Variants in PTPRT observed in about 807,000 individuals in gnomAD.
The protein encoded by PTPRT is protein tyrosine phosphatase receptor type T, also known as receptor-type tyrosine-protein phosphatase T.
Under a neutral mutation model 176.8 loss-of-function variants are expected in PTPRT, and 56 were observed. The observed-to-expected ratio is 0.32, with a 90% CI of 0.26 to 0.40. The LOEUF is 0.40. Among genes scored for constraint, PTPRT ranks in the 10% least tolerant of loss-of-function variants. PTPRT has a pLI of 1.00. For missense variants in PTPRT, 1,540 were observed against 1,908.2 expected (o/e 0.81, Z 3.60); for synonymous variants, 783 against 739.0 (o/e 1.06, Z -0.96).
At chr20:42,767,977 TACACACACACACACACAC>T (rs35599788) in intron 5 of PTPRT, among the ~76,000 whole-genome samples, 29 of 125,252 alleles carry the variant, frequency 2.3e-4, no homozygotes, top group Admixed American at 5.1e-4. Context: ...TATAAAATTA[TACACACACACACACACAC>T]ACACACACAC....
At chr20:42,691,191 A>G (rs2075787808) in intron 6 of PTPRT, among the ~76,000 whole-genome samples, 2 of 152,224 alleles carry the variant, frequency 1.3e-5, no homozygotes, top group South Asian at 4.1e-4. Flanking sequence ...AAAGCACTGG[A>G]GGAAAAACAC....
rs1405103356 is a variant in PTPRT, at chr20:42,479,206, C to T, written c.1154-6644G>A. Among the ~76,000 whole-genome samples the T allele has an allele frequency of 3.3e-5, 5 of 152,182 alleles. No individual in the cohort carries two copies. In the East Asian group the frequency reaches 5.8e-4, roughly 18 times the overall value. On this transcript the variant is annotated intron_variant, in intron 7 of 30. Transcript: ENST00000373187. ...AACAGATTTTCAATTCATGAATTTG[C>T]TACGTATTCATGTTTGCATGTGGAG...
At chr20:42,731,455 A>G (rs1402149871) in intron 6 of PTPRT, among the ~76,000 whole-genome samples, 2 of 152,320 alleles carry the variant, frequency 1.3e-5, no homozygotes, top group East Asian at 3.9e-4. Context: ...CAGGCCCCCG[A>G]GCCTGACATG....
chr20:42,084,933 G>A (rs901075868), intron 28 of PTPRT, 88 bp from the exon 29 acceptor site: 3 of 1,183,900 alleles, frequency 2.5e-6, no homozygotes, highest in Non-Finnish European at 3.3e-6. Context: ...GCAGCATCAT[G>A]GTGGAAGACA....
At chr20:42,397,250 T>C (rs1162073944) in intron 9 of PTPRT, among the ~76,000 whole-genome samples, 3 of 152,252 alleles carry the variant, frequency 2.0e-5, no homozygotes, top group Non-Finnish European at 4.4e-5. Flanking sequence ...ATTTTTTGTT[T>C]TTGTGAAACA....
chr20:42,263,256 G>A (rs2056781558), intron 13 of PTPRT, among the ~76,000 whole-genome samples: 1 of 150,838 alleles, frequency 6.6e-6, no homozygotes, highest in Admixed American at 6.6e-5. Flanking sequence ...GTCTTGCTTT[G>A]TCACCCAGAC....
At chr20:42,668,951 C>A (rs2075367726) in intron 7 of PTPRT, among the ~76,000 whole-genome samples, 1 of 145,308 alleles carries the variant, frequency 6.9e-6, no homozygotes, top group Non-Finnish European at 1.5e-5. Flanking sequence ...ACCTCATGAT[C>A]CGCCCGCCTC....
intron 3 of PTPRT, among the ~76,000 whole-genome samples, chr20:42,787,261 G>A (rs1290654704): frequency 6.6e-6 from 1 of 152,172 alleles, no homozygotes; most frequent in African/African-American, 2.4e-5. Flanking sequence ...GGCACACTAT[G>A]AAATGGATGC....
Position 42,074,948 on chromosome 20 carries a change from G to T in PTPRT, c.*5931C>A. On this transcript the variant is annotated 3_prime_UTR_variant, in exon 31 of 31. Transcript: ENST00000373187. ...ATCTCTGCTGTGCTTCGGAGGATCAGATCCATGATCCTGAAAAATGTGTCA... is the reference window on the plus strand; with the variant it reads ...ATCTCTGCTGTGCTTCGGAGGATCATATCCATGATCCTGAAAAATGTGTCA... 2.5e-6 allele frequency: 1 copy of T among 397,046 alleles called. No homozygotes were observed. Among genetic ancestry groups the T allele is most frequent in the Non-Finnish European group, 4.4e-6 (1 of 225,326 alleles). 24.6% of individuals were successfully genotyped at this position (397,046 alleles called of 1,614,324 possible).
At chr20:42,081,121 A>C (rs367674156) in intron 30 of PTPRT, among the ~76,000 whole-genome samples, 189 bp from the exon 31 acceptor site, 1 of 152,188 alleles carries the variant, frequency 6.6e-6, no homozygotes, top group Admixed American at 6.5e-5. Flanking sequence ...GCCTGCTTCT[A>C]CCCAAGCTTC....
At chr20:42,048,552 T>C in the PTPRT span, among the ~76,000 whole-genome samples, 1 of 152,098 alleles carries the variant, frequency 6.6e-6, no homozygotes, top group Non-Finnish European at 1.5e-5. Context: ...TCAGGACACA[T>C]GGAGAGTCTG....
intron 11 of PTPRT, among the ~76,000 whole-genome samples, chr20:42,330,846 G>A (rs2057955700): frequency 6.6e-6 from 1 of 152,218 alleles, no homozygotes; most frequent in South Asian, 2.1e-4. Flanking sequence ...TCACAGACCA[G>A]TAGCATCTTC....
chr20:42,345,392 CATATATATATAAA>C (rs2058174365), intron 11 of PTPRT, among the ~76,000 whole-genome samples: 2 of 130,264 alleles, frequency 1.5e-5, no homozygotes, highest in African/African-American at 5.6e-5. Flanking sequence ...CACACACACA[CATATATATATAAA>C]ACTAGTTACT....
At chr20:42,134,913 T>C (rs1438946409) in intron 18 of PTPRT, among the ~76,000 whole-genome samples, 3 of 152,244 alleles carry the variant, frequency 2.0e-5, no homozygotes, top group Non-Finnish European at 4.4e-5. Flanking sequence ...CATACTGCTC[T>C]GATAACTGTG....
rs760990579 is a variant in PTPRT, at chr20:42,472,363, G to A, written c.1353C>T (p.Gly451=). 3 of 1,614,240 alleles carry A rather than the reference G, an allele frequency of 1.9e-6. No homozygotes were observed. Among genetic ancestry groups the A allele is most frequent in the Non-Finnish European group, 1.7e-6 (2 of 1,180,048 alleles). The part of the protein sequence containing the change: ...IQTSSHYTLR[G]LRPFMTIRLR... Reference sequence around the variant, plus strand: ...GCCGGATGGTCATGAAGGGGCGCAGGCCTCGCAGGGTGTAGTGGGAGGAGG... The same window carrying A: ...GCCGGATGGTCATGAAGGGGCGCAGACCTCGCAGGGTGTAGTGGGAGGAGG... Residue 451 remains glycine (G), a synonymous_variant, in exon 8 of 31, where the codon GGC becomes GGT. Transcript: ENST00000373187.
rs192849803 is a variant in PTPRT, at chr20:42,914,252, C to A, written c.89-28320G>T. Among the ~76,000 whole-genome samples the A allele has an allele frequency of 3.9e-5, 6 of 152,260 alleles. No individual in the cohort carries two copies. The East Asian group carries it at 1.2e-3, about 29-fold the overall frequency. On this transcript the variant is annotated intron_variant, in intron 1 of 30. Coordinates refer to ENST00000373187, the MANE Select transcript of PTPRT (RefSeq NM_007050.6). ...TAAGTATGAGGCAAAAGGGTGGTAT[C>A]TTTTCCAGTTCCCACCCTACTCATG...
rs183978889 is a variant in PTPRT at position 43,011,428 on chromosome 20, T to C, written c.89-125496A>G. Among the ~76,000 whole-genome samples, 617 of 152,304 alleles carry C rather than the reference T, an allele frequency of 4.1e-3. 5 individuals are homozygous for C. Among genetic ancestry groups the C allele is most frequent in the African/African-American group, 0.012 (514 of 41,560 alleles). ...AAGATGATCCCCCAAACAGGAGTCT[T>C]TCCTGGCCAGAAGTAAGACCCACCA... On this transcript the variant is annotated intron_variant, in intron 1 of 30. Coordinates refer to ENST00000373187, the MANE Select transcript of PTPRT (RefSeq NM_007050.6).
intron 1 of PTPRT, among the ~76,000 whole-genome samples, chr20:43,179,704 G>A (rs1294345061): frequency 6.6e-6 from 1 of 152,198 alleles, no homozygotes; most frequent in Non-Finnish European, 1.5e-5. Context: ...CCTTTAAAGA[G>A]TGAAAGCCTG....
chr20:42,440,600 C>A (rs1286678516), intron 9 of PTPRT, among the ~76,000 whole-genome samples: 1 of 151,910 alleles, frequency 6.6e-6, no homozygotes, highest in African/African-American at 2.4e-5. Context: ...GCCTCAGCCT[C>A]CCGAGTAGCT....
Sources: allele counts gnomAD v4.1 joint callset (sites outside exome capture counted in the v4.1 genomes callset), GRCh38; gene constraint gnomAD v4.1.1; transcripts MANE v1.5; gene names NCBI Gene and HGNC (gene_info 2026-07-23, HGNC 2026-07-21).